LUZP2: variants seen among roughly 807,000 people sequenced by gnomAD.
LUZP2 encodes leucine zipper protein 2.
A neutral mutation model predicts 51.6 loss-of-function variants in LUZP2; 52 were observed. The observed-to-expected ratio is 1.01, with a 90% CI of 0.81 to 1.27. The LOEUF is 1.27. Ranked by LOEUF, LUZP2 falls within the 50% of genes most tolerant of loss-of-function variation. The pLI is 0.00. For missense variants in LUZP2, 436 were observed against 395.4 expected, an observed-to-expected ratio of 1.10 and a Z score of -0.87; for synonymous variants, 154 against 137.3, an observed-to-expected ratio of 1.12 and a Z score of -0.85.
intron 9 of LUZP2, among the ~76,000 whole-genome samples, chr11:24,995,269 T>A (rs1225801428): frequency 1.3e-5 from 2 of 152,052 alleles, no homozygotes; most frequent in Non-Finnish European, 2.9e-5. Context: ...GGTACACGCC[T>A]GTAGTCCCAG....
intron 5 of LUZP2, among the ~76,000 whole-genome samples, chr11:24,766,623 G>A (rs1422590662): frequency 6.6e-6 from 1 of 152,132 alleles, no homozygotes; most frequent in Non-Finnish European, 1.5e-5. Flanking sequence ...TAATTTTGAT[G>A]ATAGTGTGCT....
intron 1 of LUZP2, among the ~76,000 whole-genome samples, chr11:24,669,047 C>T (rs1856312139): frequency 6.6e-6 from 1 of 152,118 alleles, no homozygotes; most frequent in South Asian, 2.1e-4. Context: ...TCTTACTAAC[C>T]TGCTACTAGG....
At chr11:24,650,956 A>G (rs1161394238) in intron 1 of LUZP2, among the ~76,000 whole-genome samples, 1 of 152,110 alleles carries the variant, frequency 6.6e-6, no homozygotes, top group African/African-American at 2.4e-5. Context: ...TGAAGTTCCC[A>G]GCACAGTTTC....
intron 1 of LUZP2, among the ~76,000 whole-genome samples, chr11:24,536,434 G>T (rs1851180915): frequency 6.6e-6 from 1 of 151,920 alleles, no homozygotes; most frequent in South Asian, 2.1e-4. Context: ...TAGATCTTCT[G>T]GATAACTTCC....
At chr11:25,010,077 A>G (rs1477402874) in intron 9 of LUZP2, among the ~76,000 whole-genome samples, 1 of 152,226 alleles carries the variant, frequency 6.6e-6, no homozygotes, top group Non-Finnish European at 1.5e-5. Context: ...ATGTGGTACC[A>G]TTCCAGAATT....
chr11:25,020,588 G>A lies in LUZP2; in HGVS notation c.766-29450G>A, dbSNP rs376380255. ...TTTTTGCAGAGTTATATTCTTGGTGGTGTTGTATATAGCAATAAATTGATT... is the reference window on the plus strand; with the variant it reads ...TTTTTGCAGAGTTATATTCTTGGTGATGTTGTATATAGCAATAAATTGATT... On this transcript the variant is annotated intron_variant, in intron 9 of 11. Coordinates refer to ENST00000336930, the MANE Select transcript of LUZP2 (RefSeq NM_001009909.4). 1.2e-4 allele frequency among the ~76,000 whole-genome samples: 18 copies of A among 151,886 alleles called. 1 individual carries two copies. Among genetic ancestry groups the A allele is most frequent in the African/African-American group, 4.3e-4 (18 of 41,420 alleles).
intron 9 of LUZP2, among the ~76,000 whole-genome samples, chr11:25,039,361 G>A (rs1446526014): frequency 6.6e-6 from 1 of 152,174 alleles, no homozygotes; most frequent in Non-Finnish European, 1.5e-5. Context: ...GCTACACTGT[G>A]TACATGCACC....
At chr11:24,743,837 T>A (rs1413988397) in intron 4 of LUZP2, among the ~76,000 whole-genome samples, 1 of 152,096 alleles carries the variant, frequency 6.6e-6, no homozygotes, top group Non-Finnish European at 1.5e-5. Context: ...TTGTCATAGA[T>A]GCCTTTTATT....
At chr11:24,852,788 A>G (rs142725040) in intron 5 of LUZP2, among the ~76,000 whole-genome samples, 2,069 of 152,264 alleles carry the variant, frequency 0.014, 49 homozygotes, top group East Asian at 0.13. Context: ...TAGGATAGTT[A>G]TCTCCTCTTG....
chr11:24,605,926 A>C (rs1421535012), intron 1 of LUZP2, among the ~76,000 whole-genome samples: 2 of 151,760 alleles, frequency 1.3e-5, no homozygotes, highest in East Asian at 3.9e-4. Flanking sequence ...CAAGTGTTTT[A>C]GATTACATAT....
chr11:25,047,397 A>ATTTTTT (rs56939257), intron 9 of LUZP2, among the ~76,000 whole-genome samples: 1 of 111,012 alleles, frequency 9.0e-6, no homozygotes, highest in Non-Finnish European at 2.0e-5. Flanking sequence ...ATTTTTTTTA[A>ATTTTTT]TTTTTTTTTT....
At chr11:24,795,224 T>G (rs912150338) in intron 5 of LUZP2, among the ~76,000 whole-genome samples, 4 of 152,164 alleles carry the variant, frequency 2.6e-5, no homozygotes, top group African/African-American at 9.6e-5. Flanking sequence ...GTCATTATTC[T>G]TATTATGTAT....
intron 9 of LUZP2, among the ~76,000 whole-genome samples, chr11:24,985,794 T>G (rs954380959): frequency 6.6e-6 from 1 of 151,722 alleles, no homozygotes; most frequent in African/African-American, 2.4e-5. Flanking sequence ...CAGTAGATGA[T>G]TATGTATTTA....
intron 5 of LUZP2, among the ~76,000 whole-genome samples, chr11:24,853,869 C>A (rs1420285297): frequency 6.6e-6 from 1 of 152,160 alleles, no homozygotes; most frequent in Non-Finnish European, 1.5e-5. Context: ...TTCCTTCTAA[C>A]AGGCCCCTCA....
At chr11:25,049,992 G>C (rs755349603) in intron 9 of LUZP2, 46 bp from the exon 10 acceptor site, 3 of 1,115,130 alleles carry the variant, frequency 2.7e-6, no homozygotes, top group Non-Finnish European at 3.9e-6. Flanking sequence ...TATTTCTCTT[G>C]TATTTAGTGA....
chr11:24,906,509 TA>T (rs1216699470), intron 6 of LUZP2, among the ~76,000 whole-genome samples: 1 of 151,806 alleles, frequency 6.6e-6, no homozygotes, highest in Non-Finnish European at 1.5e-5. Flanking sequence ...TGCTGTGTAG[TA>T]AAATTGTCTC....
At chr11:24,929,751 A>G (rs1854390421) in intron 7 of LUZP2, among the ~76,000 whole-genome samples, 1 of 152,132 alleles carries the variant, frequency 6.6e-6, no homozygotes, top group African/African-American at 2.4e-5. Context: ...TCTAGGGTAT[A>G]GTTTAAGTCC....
intron 9 of LUZP2, among the ~76,000 whole-genome samples, chr11:24,996,273 G>GTT (rs1856495030): frequency 6.7e-6 from 1 of 150,138 alleles, no homozygotes; most frequent in Non-Finnish European, 1.5e-5. Context: ...TAAATAATAC[G>GTT]TTTCTCTCTC....
chr11:24,649,271 T>G (rs977016632), intron 1 of LUZP2, among the ~76,000 whole-genome samples: 4 of 151,982 alleles, frequency 2.6e-5, no homozygotes, highest in Non-Finnish European at 5.9e-5. Context: ...GGGTAATGGT[T>G]TTCCAGGGAT....
Sources: allele counts gnomAD v4.1 joint callset (sites outside exome capture counted in the v4.1 genomes callset), GRCh38; gene constraint gnomAD v4.1.1; transcripts MANE v1.5; gene names NCBI Gene and HGNC (gene_info 2026-07-23, HGNC 2026-07-21).